The following ENTREP2 variants were observed in gnomAD, a reference collection of about 807,000 sequenced individuals.
ENTREP2 encodes protein ENTREP2.
At chr15:29,256,185 A>G in the ENTREP2 span, among the ~76,000 whole-genome samples, 1 of 152,280 alleles carries the variant, frequency 6.6e-6, no homozygotes, top group South Asian at 2.1e-4. Context: ...GAGGACTCCA[A>G]CCGGAGGTTG....
At chr15:29,125,636 A>G in the ENTREP2 span, among the ~76,000 whole-genome samples, 1 of 152,230 alleles carries the variant, frequency 6.6e-6, no homozygotes, top group Non-Finnish European at 1.5e-5. Flanking sequence ...CTTTATTGGC[A>G]GAAACTGTGC....
At chr15:29,215,698 T>C in the ENTREP2 span, among the ~76,000 whole-genome samples, 2 of 152,102 alleles carry the variant, frequency 1.3e-5, no homozygotes, top group African/African-American at 4.8e-5. Flanking sequence ...GTTTGTTTTG[T>C]CTGATATAAG....
chr15:29,451,441 G>T, the ENTREP2 span, among the ~76,000 whole-genome samples: 5 of 152,172 alleles, frequency 3.3e-5, no homozygotes, highest in African/African-American at 1.2e-4. Context: ...CAGAGAAAAG[G>T]CACTCCCAGA....
At chr15:29,570,459 C>T in the ENTREP2 span, 1 of 1,172,518 alleles carries the variant, frequency 8.5e-7, no homozygotes, top group Non-Finnish European at 1.1e-6. Flanking sequence ...CCCCCCCGGC[C>T]CGCGCAGTCC....
At chr15:29,581,807 T>C in the ENTREP2 span, among the ~76,000 whole-genome samples, 4 of 152,028 alleles carry the variant, frequency 2.6e-5, no homozygotes, top group African/African-American at 9.7e-5. Flanking sequence ...AAGAATTAAG[T>C]GGGAGTAATT....
chr15:29,450,615 G>A, the ENTREP2 span, among the ~76,000 whole-genome samples: 3 of 152,096 alleles, frequency 2.0e-5, no homozygotes, highest in Non-Finnish European at 4.4e-5. Context: ...TAGTACTGAG[G>A]ATAAACCCAA....
chr15:29,666,586 CT>C, the ENTREP2 span, among the ~76,000 whole-genome samples: 296 of 152,300 alleles, frequency 1.9e-3, no homozygotes, highest in South Asian at 0.021. Context: ...CCTCCTCTCC[CT>C]TATGGAATCA....
At chr15:29,453,680 C>G in the ENTREP2 span, among the ~76,000 whole-genome samples, 3 of 152,174 alleles carry the variant, frequency 2.0e-5, no homozygotes, top group Non-Finnish European at 4.4e-5. Flanking sequence ...AGGAAATAAC[C>G]ACTGCTGCTA....
At chr15:29,444,580 C>A in the ENTREP2 span, among the ~76,000 whole-genome samples, 1 of 151,852 alleles carries the variant, frequency 6.6e-6, no homozygotes, top group Non-Finnish European at 1.5e-5. Context: ...GATTCTCCTG[C>A]CTCAGCCTCC....
chr15:29,386,836 G>A, the ENTREP2 span, among the ~76,000 whole-genome samples: 7 of 152,182 alleles, frequency 4.6e-5, no homozygotes, highest in African/African-American at 1.7e-4. Context: ...TGTGAATTTT[G>A]CACATTGATT....
chr15:29,358,151 A>G, the ENTREP2 span, among the ~76,000 whole-genome samples: 2 of 152,192 alleles, frequency 1.3e-5, no homozygotes, highest in African/African-American at 4.8e-5. Flanking sequence ...AACACAGGTC[A>G]CAGGAACAAA....
At chr15:29,489,543 C>CAAAA in the ENTREP2 span, among the ~76,000 whole-genome samples, 1 of 152,196 alleles carries the variant, frequency 6.6e-6, no homozygotes, top group African/African-American at 2.4e-5. Context: ...AGTCCAAAAA[C>CAAAA]TATTTTAATT....
the ENTREP2 span, among the ~76,000 whole-genome samples, chr15:29,637,376 C>G: frequency 6.6e-6 from 1 of 152,180 alleles, no homozygotes; most frequent in African/African-American, 2.4e-5. Flanking sequence ...GCAATGGGGA[C>G]ATATGCAGTG....
the ENTREP2 span, among the ~76,000 whole-genome samples, chr15:29,204,754 A>G: frequency 6.6e-6 from 1 of 152,292 alleles, no homozygotes; most frequent in African/African-American, 2.4e-5. Context: ...ACTAGACCCT[A>G]AGTTTTCTTC....
the ENTREP2 span, among the ~76,000 whole-genome samples, chr15:29,564,149 C>T: frequency 9.2e-5 from 14 of 152,200 alleles, no homozygotes; most frequent in Admixed American, 2.6e-4. Flanking sequence ...GATACCTTTC[C>T]CATTTGGCTC....
the ENTREP2 span, among the ~76,000 whole-genome samples, chr15:29,278,184 G>C: frequency 1.3e-5 from 2 of 151,974 alleles, no homozygotes; most frequent in Admixed American, 1.3e-4. Flanking sequence ...CAGGACTGGA[G>C]GGTAATCAGA....
the ENTREP2 span, among the ~76,000 whole-genome samples, chr15:29,345,601 T>C: frequency 2.0e-5 from 3 of 151,984 alleles, no homozygotes; most frequent in African/African-American, 7.3e-5. Context: ...GGGGGACAGT[T>C]CTGGGACATT....
chr15:29,365,947 G>A, the ENTREP2 span, among the ~76,000 whole-genome samples: 2 of 152,128 alleles, frequency 1.3e-5, no homozygotes, highest in African/African-American at 4.8e-5. Flanking sequence ...GCTGAAACAC[G>A]TGTCCTGTGC....
chr15:29,220,829 C>T, the ENTREP2 span, among the ~76,000 whole-genome samples: 30 of 151,958 alleles, frequency 2.0e-4, no homozygotes, highest in African/African-American at 7.0e-4. Context: ...AAAAAAACTA[C>T]CTGCTTTTCA....
Sources: allele counts gnomAD v4.1 joint callset (sites outside exome capture counted in the v4.1 genomes callset), GRCh38; gene constraint gnomAD v4.1.1; transcripts MANE v1.5; gene names NCBI Gene and HGNC (gene_info 2026-07-23, HGNC 2026-07-21).